Variants in CDH23 observed in about 807,000 individuals in gnomAD.
CDH23 encodes cadherin related 23.
In CDH23, 189 loss-of-function variants were observed where a neutral mutation model predicts 317.1. The ratio of observed to expected loss-of-function variants is 0.60; its 90% CI spans 0.53 to 0.67. The LOEUF is 0.67. Among genes scored for constraint, CDH23 ranks in the 30% least tolerant of loss-of-function variants. The pLI is 0.00. For synonymous variants in CDH23, 1,839 were observed against 1,876.8 expected (o/e 0.98, Z 0.52); for missense variants, 4,401 against 4,592.4 (o/e 0.96, Z 1.20).
At chr10:71,513,752 G>C (rs1202178527) in intron 6 of CDH23, among the ~76,000 whole-genome samples, 1 of 152,188 alleles carries the variant, frequency 6.6e-6, no homozygotes, top group Non-Finnish European at 1.5e-5. Flanking sequence ...TCAAACTAGG[G>C]AGTTGAACCC....
chr10:71,542,481 A>G (rs1047956152), intron 6 of CDH23, among the ~76,000 whole-genome samples: 2 of 152,134 alleles, frequency 1.3e-5, no homozygotes, highest in African/African-American at 4.8e-5. Context: ...CAAGGCTGCC[A>G]CCTCCGATGG....
chr10:71,526,967 T>C (rs1057379548), intron 6 of CDH23, among the ~76,000 whole-genome samples: 3 of 152,144 alleles, frequency 2.0e-5, no homozygotes, highest in African/African-American at 7.2e-5. Context: ...CGGGCGCATG[T>C]GGCCGGGGTT....
At chr10:71,638,138 T>C (rs933498822) in intron 11 of CDH23, among the ~76,000 whole-genome samples, 2 of 152,100 alleles carry the variant, frequency 1.3e-5, no homozygotes, top group Admixed American at 6.5e-5. Context: ...TTCTGTGAGA[T>C]GTGCTTACCC....
rs1840261856 is a variant in CDH23 at position 71,759,852 on chromosome 10, C to CACACACACACACATATAT, written c.4846-17826_4846-17809dup. Among the ~76,000 whole-genome samples, 4 of 76,908 alleles carry CACACACACACACATATAT rather than the reference C, an allele frequency of 5.2e-5. 1 individual carries two copies. Among genetic ancestry groups the CACACACACACACATATAT allele is most frequent in the Non-Finnish European group, 7.7e-5 (3 of 38,766 alleles). The allele number at this position is 76,908 out of a possible 152,430, so 50.5% of individuals were successfully genotyped here. ...ACACACACACACACACACACATATA[C>CACACACACACACATATAT]ACACACACACACATATATATACACA... On this transcript the variant is annotated intron_variant, in intron 38 of 69. Transcript: ENST00000224721.
chr10:71,707,077 G>T (rs749852928), intron 26 of CDH23, 28 bp downstream of exon 26: 3 of 1,587,744 alleles, frequency 1.9e-6, no homozygotes, highest in Non-Finnish European at 1.7e-6. Context: ...GCCCACCTGT[G>T]CAGGCCTCCT....
intron 16 of CDH23, 103 bp downstream of exon 16, chr10:71,677,796 C>CATAAAA: frequency 1.0e-6 from 1 of 956,584 alleles, no homozygotes; most frequent in Non-Finnish European, 1.6e-6. Context: ...AGACAGGTCT[C>CATAAAA]ACTCTTTCAC....
intron 27 of CDH23, among the ~76,000 whole-genome samples, chr10:71,711,196 T>C (rs1413506381): frequency 6.6e-6 from 1 of 152,108 alleles, no homozygotes; most frequent in African/African-American, 2.4e-5. Context: ...CTTTGGGCAT[T>C]GCCTGGCAGG....
At chr10:71,548,263 G>C (rs900471408) in intron 6 of CDH23, among the ~76,000 whole-genome samples, 1 of 152,204 alleles carries the variant, frequency 6.6e-6, no homozygotes. Context: ...AGACAGAGAG[G>C]GGAGAGTGTC....
At chr10:71,581,477 T>C (rs774213462) in intron 9 of CDH23, among the ~76,000 whole-genome samples, 3 of 152,224 alleles carry the variant, frequency 2.0e-5, no homozygotes, top group Non-Finnish European at 2.9e-5. Flanking sequence ...CCCAGTCCCC[T>C]GAGGCCCTGT....
intron 7 of CDH23, among the ~76,000 whole-genome samples, chr10:71,568,841 T>C (rs969901283): frequency 6.6e-6 from 1 of 152,096 alleles, no homozygotes; most frequent in African/African-American, 2.4e-5. Flanking sequence ...CCTGACAGGA[T>C]CACTCCCCTT....
At position 71,791,097 on chromosome 10, in the gene CDH23, T is replaced by C. The variant is rs548931286; in HGVS notation, c.6050-35T>C. ...CTGTCTTCCCACCGCACCCCTTTTC[T>C]GTGTGTTTCCCTGGCTGGCGGCACC... On this transcript the variant is annotated intron_variant, in intron 46 of 69. Transcript: ENST00000224721. 1.7e-5 allele frequency: 26 copies of C among 1,559,010 alleles called. 1 individual carries two copies. In the African/African-American group the frequency reaches 2.8e-4, roughly 17 times the overall value.
chr10:71,490,761 A>G (rs963413610), intron 3 of CDH23, among the ~76,000 whole-genome samples: 49 of 152,362 alleles, frequency 3.2e-4, no homozygotes, highest in Middle Eastern at 3.4e-3. Flanking sequence ...AAAGCTTTAC[A>G]TGTATTAATT....
At chr10:71,667,693 G>C (rs561249065) in intron 14 of CDH23, among the ~76,000 whole-genome samples, 1 of 152,058 alleles carries the variant, frequency 6.6e-6, no homozygotes, top group Non-Finnish European at 1.5e-5. Context: ...CAATGGAAAA[G>C]GGTGAGAGAT....
chr10:71,405,386 G>C (rs915149898), intron 1 of CDH23, among the ~76,000 whole-genome samples: 1 of 151,864 alleles, frequency 6.6e-6, no homozygotes, highest in Admixed American at 6.6e-5. Flanking sequence ...GACACTCTAT[G>C]GGGGCCTAAG....
intron 6 of CDH23, among the ~76,000 whole-genome samples, chr10:71,521,359 T>C (rs551786282): frequency 6.6e-5 from 10 of 152,168 alleles, no homozygotes; most frequent in Non-Finnish European, 1.2e-4. Context: ...CTTTTCCCAC[T>C]GACCCCTTCC....
chr10:71,629,415 A>C (rs960291721), intron 11 of CDH23, among the ~76,000 whole-genome samples: 1 of 152,204 alleles, frequency 6.6e-6, no homozygotes, highest in African/African-American at 2.4e-5. Flanking sequence ...AGGGAAGGGC[A>C]GGTGCAGTGG....
At chr10:71,504,998 G>A (rs1277217639) in intron 3 of CDH23, among the ~76,000 whole-genome samples, 1 of 152,184 alleles carries the variant, frequency 6.6e-6, no homozygotes, top group East Asian at 1.9e-4. Context: ...CAGTCAAGAG[G>A]GCCTGGGAAT....
intron 9 of CDH23, among the ~76,000 whole-genome samples, chr10:71,609,954 G>A (rs1471828339): frequency 1.9e-5 from 1 of 51,510 alleles, no homozygotes; most frequent in African/African-American, 8.7e-5. Flanking sequence ...ACTCCCCCGT[G>A]TGTGTGTGTG....
At chr10:71,768,418 G>T (rs144487838) in intron 38 of CDH23, among the ~76,000 whole-genome samples, 1 of 152,044 alleles carries the variant, frequency 6.6e-6, no homozygotes. Flanking sequence ...TGATCCACCC[G>T]CCTCGTCCTC....
Sources: allele counts gnomAD v4.1 joint callset (sites outside exome capture counted in the v4.1 genomes callset), GRCh38; gene constraint gnomAD v4.1.1; transcripts MANE v1.5; gene names NCBI Gene and HGNC (gene_info 2026-07-23, HGNC 2026-07-21).